CNPY4: variants seen among roughly 807,000 people sequenced by gnomAD.
CNPY4 encodes the protein protein canopy homolog 4.
CNPY4 carries 33 observed loss-of-function variants against 30.1 expected under a neutral mutation model. The observed-to-expected ratio is 1.10, with a 90% confidence interval of 0.83 to 1.46. CNPY4 has a LOEUF of 1.46. CNPY4 is among the 40% of genes most tolerant of loss of function. The pLI, the probability that CNPY4 is intolerant of heterozygous loss-of-function variation, is 0.00. For synonymous variants in CNPY4, 109 were observed against 110.1 expected, an observed-to-expected ratio of 0.99 and a Z score of 0.06; for missense variants, 324 against 302.6, an observed-to-expected ratio of 1.07 and a Z score of -0.52.
intron 1 of CNPY4, chr7:100,121,116 ATTTTTTTTTTTTTTTTTTTT>A (rs1163501525): frequency 3.8e-5 from 2 of 52,778 alleles, no homozygotes; most frequent in East Asian, 4.9e-4. Context: ...ATATATATAT[ATTTTTTTTTTTTTTTTTTTT>A]TTTTTTTTTT....
chr7:100,121,114 A>ATT (rs1798043118), intron 1 of CNPY4: 14 of 31,150 alleles, frequency 4.5e-4, no homozygotes, highest in African/African-American at 8.6e-4. Flanking sequence ...ATATATATAT[A>ATT]TATTTTTTTT....
rs756675979 is a variant in CNPY4 at position 100,122,315 on chromosome 7, C to T, written c.175C>T (p.Arg59Ter). Residue 59 changes from arginine to a stop codon, truncating the protein, a stop_gained, in exon 2 of 6, where the codon CGA (arginine) becomes TGA (stop). Coordinates refer to ENST00000262932, the MANE Select transcript of CNPY4 (RefSeq NM_152755.2). LOFTEE classifies it high-confidence loss of function. Reference sequence around the variant, plus strand: ...GGAACTGAGTCGCACCGGTCGATCTCGAGAGGTGCTGGAGCTGGGGCAGGT... The same window carrying T: ...GGAACTGAGTCGCACCGGTCGATCTTGAGAGGTGCTGGAGCTGGGGCAGGT... ...QAELSRTGRS[R>*]EVLELGQVLD... 2.1e-5 allele frequency: 34 copies of T among 1,613,818 alleles called. No individual in the cohort carries two copies. In the Middle Eastern group the frequency reaches 9.9e-4, roughly 47 times the overall value.
Position 100,122,782 on chromosome 7 carries a change from A to C in CNPY4, c.343-2A>C, listed in dbSNP as rs200659602. 1.4e-4 allele frequency: 228 copies of C among 1,611,772 alleles called. No homozygotes were observed. The highest frequency in any genetic ancestry group is 1.9e-4 in the Non-Finnish European group (223 of 1,179,078). On this transcript the variant is annotated splice_acceptor_variant, in intron 3 of 5. Transcript: ENST00000262932. LOFTEE classifies it high-confidence loss of function. ...GCTGATGCCAAATTCTTAATCTCTC[A>C]GGGTCAGAGTCAGACCATGGCAACA...
chr7:100,119,727 T>C lies in CNPY4; in HGVS notation c.-18T>C, dbSNP rs1401492304. 1 of 1,614,110 alleles carries C rather than the reference T, an allele frequency of 6.2e-7. No homozygotes were observed. The highest frequency in any genetic ancestry group is 2.2e-5 in the East Asian group (1 of 44,856). ...AAGTTGAAGGCAAGCGGTGATTGTT[T>C]GTAGACGGCGCTTTGTCATGGGACC... On this transcript the variant is annotated 5_prime_UTR_variant, in exon 1 of 6. Coordinates refer to ENST00000262932, the MANE Select transcript of CNPY4 (RefSeq NM_152755.2).
chr7:100,119,937 T>C, intron 1 of CNPY4, 75 bp downstream of exon 1: 2 of 1,380,038 alleles, frequency 1.4e-6, no homozygotes, highest in Non-Finnish European at 2.0e-6. Context: ...TCCTAGCCTG[T>C]ATTGGGTGGG....
chr7:100,119,943 G>T (rs1435928653), intron 1 of CNPY4, 81 bp downstream of exon 1: 3 of 1,318,980 alleles, frequency 2.3e-6, no homozygotes, highest in Non-Finnish European at 3.1e-6. Context: ...CCTGTATTGG[G>T]TGGGTCACCC....
chr7:100,121,867 G>C (rs375581987), intron 1 of CNPY4, among the ~76,000 whole-genome samples: 1 of 145,766 alleles, frequency 6.9e-6, no homozygotes, highest in Admixed American at 6.8e-5. Flanking sequence ...TGGCTAACAC[G>C]GTGAAACCCT....
intron 4 of CNPY4, 21 bp from the exon 5 acceptor site, chr7:100,124,493 C>G (rs1422898043): frequency 6.4e-7 from 1 of 1,567,164 alleles, no homozygotes; most frequent in Middle Eastern, 1.8e-4. Flanking sequence ...AGATACTCTT[C>G]TGGCCCTTCT....
intron 1 of CNPY4, among the ~76,000 whole-genome samples, chr7:100,120,733 C>T (rs1019717269): frequency 6.6e-6 from 1 of 152,088 alleles, no homozygotes; most frequent in Non-Finnish European, 1.5e-5. Flanking sequence ...GGCCTTCTAT[C>T]AGAATACAGC....
chr7:100,123,526 A>AT (rs997624893), intron 4 of CNPY4, among the ~76,000 whole-genome samples: 13 of 150,130 alleles, frequency 8.7e-5, no homozygotes, highest in Non-Finnish European at 1.5e-4. Flanking sequence ...ATTTTAAAGA[A>AT]TTTTTTTTTT....
At position 100,119,683 on chromosome 7, in the gene CNPY4, G is replaced by C; in HGVS notation, c.-62G>C. 1 of 1,613,144 alleles carries C rather than the reference G, an allele frequency of 6.2e-7. No individual in the cohort carries two copies. Among genetic ancestry groups the C allele is most frequent in the Non-Finnish European group, 8.5e-7 (1 of 1,179,614 alleles). On this transcript the variant is annotated 5_prime_UTR_variant, in exon 1 of 6. Transcript: ENST00000262932. ...CCGCTAGCCGCCTGGGAATTTAAGG[G>C]ACCCACACTACCTTCCCGAAGTTGA... is the stretch of plus-strand genomic sequence containing the variant.
chr7:100,122,048 T>TCAAA, intron 1 of CNPY4: 1 of 309,978 alleles, frequency 3.2e-6, no homozygotes, highest in South Asian at 2.4e-5. Flanking sequence ...AGAGTCCGTC[T>TCAAA]GAAAAAAAAA....
chr7:100,122,988 G>A, intron 4 of CNPY4, 82 bp downstream of exon 4: 2 of 1,451,434 alleles, frequency 1.4e-6, no homozygotes, highest in African/African-American at 1.4e-5. Context: ...GACTATAGGG[G>A]ATGTCTACCC....
Position 100,123,070 on chromosome 7 carries a change from G to A in CNPY4, c.465+164G>A, listed in dbSNP as rs564511828. 1.1e-4 allele frequency among the ~76,000 whole-genome samples: 16 copies of A among 152,182 alleles called. No homozygotes were observed. In the East Asian group the frequency reaches 1.2e-3, roughly 11 times the overall value. On this transcript the variant is annotated intron_variant, in intron 4 of 5. Coordinates refer to ENST00000262932, the MANE Select transcript of CNPY4 (RefSeq NM_152755.2). ...AGTGGGTCCAGGAGCGGTGGGGTGCGGTGGCTCACACCTGTAATCCCAGCA... is the reference window on the plus strand; with the variant it reads ...AGTGGGTCCAGGAGCGGTGGGGTGCAGTGGCTCACACCTGTAATCCCAGCA...
In CNPY4 at chr7:100,122,294, C is replaced by T; in HGVS notation, c.154C>T (p.Leu52=). 6.2e-7 allele frequency: 1 copy of T among 1,613,920 alleles called. No individual in the cohort carries two copies. ...GCTGAGCACAGAGCTACAGGCGGAA[C>T]TGAGTCGCACCGGTCGATCTCGAGA... The part of the protein sequence containing the change: ...KLLSTELQAE[L]SRTGRSREVL... Residue 52 remains leucine (L), a synonymous_variant, in exon 2 of 6, where the codon CTG becomes TTG. Coordinates refer to ENST00000262932, the MANE Select transcript of CNPY4 (RefSeq NM_152755.2).
In CNPY4 at chr7:100,124,923, C is replaced by T. The variant is rs1283409873; in HGVS notation, c.*35C>T. ...TTGAGCCCCCAGGAGGGGAAGGGAT[C>T]ATGGAGAGCCCTCTAAAGCCTGCAC... is the stretch of plus-strand genomic sequence containing the variant. On this transcript the variant is annotated 3_prime_UTR_variant, in exon 6 of 6. Coordinates refer to ENST00000262932, the MANE Select transcript of CNPY4 (RefSeq NM_152755.2). 1 of 1,549,904 alleles carries T rather than the reference C, an allele frequency of 6.5e-7. No individual in the cohort carries two copies. Among genetic ancestry groups the T allele is most frequent in the Non-Finnish European group, 8.7e-7 (1 of 1,151,194 alleles).
At chr7:100,120,164 A>G (rs1015824228) in intron 1 of CNPY4, 39 of 278,528 alleles carry the variant, frequency 1.4e-4, no homozygotes, top group African/African-American at 8.3e-4. Flanking sequence ...GAGCATCTTC[A>G]GTGAGTGTTT....
intron 1 of CNPY4, among the ~76,000 whole-genome samples, chr7:100,121,847 G>A (rs1335327830): frequency 1.3e-5 from 2 of 151,368 alleles, no homozygotes; most frequent in South Asian, 4.2e-4. Flanking sequence ...TCAGCTGATC[G>A]AGACCATCCT....
intron 4 of CNPY4, 102 bp from the exon 5 acceptor site, chr7:100,124,412 A>T: frequency 1.2e-6 from 1 of 850,154 alleles, no homozygotes; most frequent in Non-Finnish European, 1.9e-6. Flanking sequence ...CTTCCTGGCT[A>T]CCTGCCTCTC....
Sources: gnomAD v4.1 joint callset for allele counts (sites outside exome capture counted in the v4.1 genomes callset) on GRCh38, gnomAD v4.1.1 for gene constraint, MANE v1.5 for transcripts, NCBI Gene and HGNC (gene_info 2026-07-23, HGNC 2026-07-21) for gene names.